The following GSE1 variants were observed in gnomAD, a reference collection of about 807,000 sequenced individuals.
GSE1 encodes genetic suppressor element 1.
In GSE1, 32 loss-of-function variants were observed where a neutral mutation model predicts 112.6. That is an observed-to-expected ratio of 0.28 (90% CI 0.21 to 0.38). GSE1 has a LOEUF of 0.38. Ranked by LOEUF, GSE1 falls within the 10% of genes least tolerant of loss-of-function variation. GSE1 has a pLI of 1.00. For synonymous variants in GSE1, 1,115 were observed against 735.6 expected, an observed-to-expected ratio of 1.52 and a Z score of -8.35; for missense variants, 2,348 against 1,699.2, an observed-to-expected ratio of 1.38 and a Z score of -6.71.
chr16:85,574,924 C>A (rs1314168074), intron 1 of GSE1, among the ~76,000 whole-genome samples: 2 of 152,216 alleles, frequency 1.3e-5, no homozygotes, highest in African/African-American at 4.8e-5. Context: ...TGAGCGTCCC[C>A]TCTTTAGATT....
intron 13 of GSE1, 30 bp downstream of exon 13, chr16:85,666,377 C>G (rs200230241): frequency 6.2e-7 from 1 of 1,611,860 alleles, no homozygotes; most frequent in Non-Finnish European, 8.5e-7. Context: ...CTGCTCAGCT[C>G]TCGGCTGTGG....
chr16:85,271,822 A>T (rs1239466732), intron 1 of GSE1, among the ~76,000 whole-genome samples: 1 of 152,086 alleles, frequency 6.6e-6, no homozygotes, highest in Non-Finnish European at 1.5e-5. Context: ...TCGGGCTGTG[A>T]TGGTTTCTTG....
intron 1 of GSE1, among the ~76,000 whole-genome samples, chr16:85,250,031 G>A (rs1906291072): frequency 6.6e-6 from 1 of 152,246 alleles, no homozygotes; most frequent in Non-Finnish European, 1.5e-5. Context: ...GTGAGGGCAA[G>A]GTTTGTGGAG....
intron 2 of GSE1, among the ~76,000 whole-genome samples, chr16:85,527,298 C>T (rs574407469): frequency 3.9e-5 from 6 of 152,216 alleles, no homozygotes; most frequent in Non-Finnish European, 5.9e-5. Context: ...TCATGTGAGG[C>T]GGGTGATTGA....
chr16:85,299,601 A>G (rs2151458019), intron 1 of GSE1, among the ~76,000 whole-genome samples: 1 of 152,212 alleles, frequency 6.6e-6, no homozygotes, highest in East Asian at 1.9e-4. Context: ...CGTTCTCTGC[A>G]GAAATTAAGC....
At chr16:85,527,341 G>A (rs1035507127) in intron 2 of GSE1, among the ~76,000 whole-genome samples, 6 of 152,264 alleles carry the variant, frequency 3.9e-5, no homozygotes, top group Admixed American at 1.3e-4. Context: ...GGGAGGGAGG[G>A]AAGCCGAAAG....
chr16:85,311,540 CACCT>C lies in GSE1; in HGVS notation c.2284-45922_2284-45919del, dbSNP rs2045848382. 6.6e-6 allele frequency among the ~76,000 whole-genome samples: 1 copy of C among 152,094 alleles called. No homozygotes were observed. Among genetic ancestry groups the C allele is most frequent in the Admixed American group, 6.5e-5 (1 of 15,280 alleles). ...GGAGGGAAGGAGGTGCCGGGGTGCT[CACCT>C]TCCCCGAGGCTTTGTTTCCGGATTC... is the stretch of plus-strand genomic sequence containing the variant. On this transcript the variant is annotated intron_variant, in intron 1 of 2. Coordinates refer to the GSE1 transcript ENST00000637419. This position sits in a 1 kb window ranked among gnomAD's most constrained non-coding sequence, Gnocchi z 4.2.
intron 1 of GSE1, among the ~76,000 whole-genome samples, chr16:85,245,407 G>A (rs538591400): frequency 1.3e-5 from 2 of 152,250 alleles, no homozygotes; most frequent in Admixed American, 6.5e-5. Flanking sequence ...GTCATGCTGC[G>A]TTTCCACCTG....
intron 1 of GSE1, among the ~76,000 whole-genome samples, chr16:85,192,068 G>T (rs568651700): frequency 6.6e-6 from 1 of 152,238 alleles, no homozygotes; most frequent in African/African-American, 2.4e-5. Context: ...CCTAAGTTCC[G>T]CCATCCAGAG....
At chr16:85,530,671 T>C (rs571399089) in intron 2 of GSE1, among the ~76,000 whole-genome samples, 3 of 152,256 alleles carry the variant, frequency 2.0e-5, no homozygotes, top group Admixed American at 6.5e-5. Context: ...GAAACACAAA[T>C]GGAAAATTGC....
intron 1 of GSE1, among the ~76,000 whole-genome samples, chr16:85,355,898 G>C (rs956284326): frequency 6.6e-6 from 1 of 151,988 alleles, no homozygotes; most frequent in African/African-American, 2.4e-5. Flanking sequence ...ATGGGGGCGG[G>C]CACCTGTAAT....
At position 85,663,462 on chromosome 16, in the gene GSE1, C is replaced by A. The variant is rs768355218; in HGVS notation, c.2492C>A (p.Thr831Lys). 6.2e-7 allele frequency: 1 copy of A among 1,613,964 alleles called. No homozygotes were observed. Among genetic ancestry groups the A allele is most frequent in the Admixed American group, 1.7e-5 (1 of 60,022 alleles). The change falls in exon 11 of 16, where the codon ACA (threonine) becomes AAA (lysine). Residue 831 changes from threonine (T) to lysine (K), a missense_variant. Thr to Lys is a moderately conservative substitution (Grantham distance 78). Transcript: ENST00000253458. ...CGAGAGAGAAGCCCGTCGCCCCCAA[C>A]AATTCAGAGCAAGCGGCAGACGCCT... ...MLRERSPSPPTIQSKRQTPSP... is the reference protein window; with the variant it reads ...MLRERSPSPPKIQSKRQTPSP...
chr16:85,661,743 G>A lies in GSE1; in HGVS notation c.2238G>A (p.Arg746=), dbSNP rs2052451392. Residue 746 remains arginine (R), a synonymous_variant, in exon 9 of 16, where the codon AGG becomes AGA. Transcript: ENST00000253458. Reference sequence around the variant, plus strand: ...GCAAGCTGGACCTGGAGGAGCGCAGGCGGCGGGAGGCCCAGGAGAAAGGTC... The same window carrying A: ...GCAAGCTGGACCTGGAGGAGCGCAGACGGCGGGAGGCCCAGGAGAAAGGTC... ...LVSKLDLEER[R]RREAQEKGYY... 1 of 1,544,518 alleles carries A rather than the reference G, an allele frequency of 6.5e-7. No individual in the cohort carries two copies. The highest frequency in any genetic ancestry group is 8.8e-7 in the Non-Finnish European group (1 of 1,142,702).
intron 1 of GSE1, among the ~76,000 whole-genome samples, chr16:85,561,129 C>G (rs1343927557): frequency 7.5e-6 from 1 of 133,596 alleles, no homozygotes; most frequent in African/African-American, 2.8e-5. Context: ...GACCTTGTCT[C>G]AAAAAAAAAA....
chr16:85,242,372 A>G (rs1905237363), intron 1 of GSE1, among the ~76,000 whole-genome samples: 1 of 152,112 alleles, frequency 6.6e-6, no homozygotes, highest in African/African-American at 2.4e-5. Context: ...CCGCACCCCC[A>G]TGCAGGAAGG....
At chr16:85,322,753 C>G (rs1597389554) in intron 1 of GSE1, among the ~76,000 whole-genome samples, 1 of 151,874 alleles carries the variant, frequency 6.6e-6, no homozygotes. Context: ...GTAGCTGGGA[C>G]TACAGACGTC....
Position 85,657,336 on chromosome 16 carries a change from G to T in GSE1, c.1372G>T (p.Val458Leu). 1.9e-6 allele frequency: 3 copies of T among 1,607,232 alleles called. No individual in the cohort carries two copies. Among genetic ancestry groups the T allele is most frequent in the Non-Finnish European group, 2.5e-6 (3 of 1,177,706 alleles). The change falls in exon 8 of 16, where the codon GTG becomes TTG. Residue 458 changes from valine to leucine, a missense_variant. By Grantham distance (32) the Val-to-Leu change is conservative. Coordinates refer to ENST00000253458, the MANE Select transcript of GSE1 (RefSeq NM_014615.5). Reference protein sequence around the residue: ...PKPVQHPLHPVPTPHHTVPSL... With the variant: ...PKPVQHPLHPLPTPHHTVPSL... Reference sequence around the variant, plus strand: ...GCCCGTCCAACACCCCTTGCATCCGGTGCCCACCCCACACCACACGGTGCC... The same window carrying T: ...GCCCGTCCAACACCCCTTGCATCCGTTGCCCACCCCACACCACACGGTGCC...
chr16:85,669,884 G>T (rs538765382), intron 14 of GSE1, among the ~76,000 whole-genome samples: 1 of 152,122 alleles, frequency 6.6e-6, no homozygotes, highest in African/African-American at 2.4e-5. Context: ...GCCTGGCTTC[G>T]CCCCTGTCAG....
upstream of GSE1, among the ~76,000 whole-genome samples, chr16:85,553,136 C>CCCCCG (rs1393239101): frequency 3.3e-5 from 5 of 151,766 alleles, no homozygotes; most frequent in Admixed American, 6.5e-5. Flanking sequence ...CTCTGGCCGC[C>CCCCCG]CCCCGCCCCG....
Sources: allele counts gnomAD v4.1 joint callset (sites outside exome capture counted in the v4.1 genomes callset), GRCh38; gene constraint gnomAD v4.1.1; non-coding constraint Gnocchi (gnomAD v3.1); transcripts MANE v1.5; gene names NCBI Gene and HGNC (gene_info 2026-07-23, HGNC 2026-07-21).